IL1RAPL1: variants seen among roughly 807,000 people sequenced by gnomAD.
IL1RAPL1 encodes interleukin-1 receptor accessory protein-like 1.
IL1RAPL1 carries 3 observed loss-of-function variants against 48.4 expected under a neutral mutation model. That is an observed-to-expected ratio of 0.06 (90% confidence interval 0.03 to 0.16). IL1RAPL1 has a LOEUF of 0.16. Ranked by LOEUF, IL1RAPL1 falls within the 10% of genes least tolerant of loss-of-function variation. The pLI is 1.00. For missense variants in IL1RAPL1, 349 were observed against 530.6 expected (o/e 0.66, Z 3.36); for synonymous variants, 185 against 187.7 (o/e 0.99, Z 0.12).
chrX:29,024,504 G>A (rs1269732672), intron 2 of IL1RAPL1, among the ~76,000 whole-genome samples: 1 of 111,643 alleles, frequency 9.0e-6, no homozygotes, highest in Non-Finnish European at 1.9e-5. Context: ...CTGTGCCTCA[G>A]TTTAATTACC....
At chrX:28,781,820 C>T (rs894457429) in intron 1 of IL1RAPL1, among the ~76,000 whole-genome samples, 2 of 111,094 alleles carry the variant, frequency 1.8e-5, no homozygotes, top group African/African-American at 6.5e-5. Flanking sequence ...AAATTGCTTT[C>T]CAGTAAAACT....
chrX:29,882,722 T>G (rs1228206779), intron 6 of IL1RAPL1, among the ~76,000 whole-genome samples: 1 of 112,149 alleles, frequency 8.9e-6, no homozygotes, highest in African/African-American at 3.2e-5. Context: ...TGGTCTATAT[T>G]AATGCTTAAC....
At chrX:29,083,763 A>G (rs957783911) in intron 2 of IL1RAPL1, among the ~76,000 whole-genome samples, 1 of 112,169 alleles carries the variant, frequency 8.9e-6, no homozygotes, top group African/African-American at 3.2e-5. Context: ...TAAAAACCCC[A>G]ACCTTTGTTA....
At chrX:28,675,073 A>T (rs1264572589) in intron 1 of IL1RAPL1, among the ~76,000 whole-genome samples, 2 of 112,126 alleles carry the variant, frequency 1.8e-5, no homozygotes, top group East Asian at 5.6e-4. Flanking sequence ...TTATTTGAAG[A>T]TGGACATATT....
At chrX:29,877,471 T>A (rs1203906453) in intron 6 of IL1RAPL1, among the ~76,000 whole-genome samples, 1 of 111,940 alleles carries the variant, frequency 8.9e-6, no homozygotes, top group Non-Finnish European at 1.9e-5. Context: ...ATAAATACAA[T>A]ATACAAATAA....
chrX:28,721,862 C>T (rs1252050456), intron 1 of IL1RAPL1, among the ~76,000 whole-genome samples: 2 of 111,290 alleles, frequency 1.8e-5, no homozygotes, highest in South Asian at 3.8e-4. Flanking sequence ...ATCCTTTCCC[C>T]ATTTCTTGTT....
chrX:29,442,365 G>C (rs1347755646), intron 5 of IL1RAPL1, among the ~76,000 whole-genome samples: 1 of 109,726 alleles, frequency 9.1e-6, no homozygotes, highest in South Asian at 4.0e-4. Context: ...GAGTGGGAGG[G>C]GGGTGAGGGA....
chrX:28,839,355 G>A (rs1921306537), intron 2 of IL1RAPL1, among the ~76,000 whole-genome samples: 1 of 109,911 alleles, frequency 9.1e-6, no homozygotes, highest in Admixed American at 9.8e-5. Context: ...TATTACCTAT[G>A]TTTTTTCTTA....
At chrX:28,976,580 A>G (rs780241072) in intron 2 of IL1RAPL1, among the ~76,000 whole-genome samples, 77 of 111,761 alleles carry the variant, frequency 6.9e-4, no homozygotes, top group African/African-American at 2.4e-3. Context: ...TGAAGTTTCC[A>G]AATAGGCAGT....
intron 6 of IL1RAPL1, among the ~76,000 whole-genome samples, chrX:29,882,744 C>T (rs952198617): frequency 2.7e-5 from 3 of 112,120 alleles, no homozygotes; most frequent in Non-Finnish European, 5.6e-5. Context: ...CAGTTCTAAA[C>T]ATTAATTTTA....
intron 2 of IL1RAPL1, among the ~76,000 whole-genome samples, chrX:29,178,656 A>C (rs762042657): frequency 8.9e-5 from 10 of 111,882 alleles, no homozygotes; most frequent in Non-Finnish European, 1.7e-4. Context: ...TGTTTCAGTC[A>C]TGAAGTCCTT....
chrX:28,915,090 A>G (rs1923454545), intron 2 of IL1RAPL1, among the ~76,000 whole-genome samples: 1 of 111,661 alleles, frequency 9.0e-6, no homozygotes, highest in African/African-American at 3.3e-5. Context: ...GGCATTAGTT[A>G]GATTCTCATA....
chrX:28,810,273 A>C (rs1936778828), intron 2 of IL1RAPL1, among the ~76,000 whole-genome samples: 1 of 110,462 alleles, frequency 9.1e-6, no homozygotes, highest in Non-Finnish European at 1.9e-5. Context: ...GTAGATATAA[A>C]AAGTAGAGGT....
chrX:29,932,632 C>T (rs1440072512), intron 8 of IL1RAPL1, among the ~76,000 whole-genome samples: 1 of 111,435 alleles, frequency 9.0e-6, no homozygotes, highest in African/African-American at 3.3e-5. Context: ...TAAAATACTC[C>T]TACAGAAACA....
intron 5 of IL1RAPL1, among the ~76,000 whole-genome samples, chrX:29,401,355 A>C (rs1366109796): frequency 9.0e-6 from 1 of 111,470 alleles, no homozygotes; most frequent in Non-Finnish European, 1.9e-5. Flanking sequence ...CATGCCCTAG[A>C]ATTAAGAACA....
chrX:28,907,463 C>G (rs1923247556), intron 2 of IL1RAPL1, among the ~76,000 whole-genome samples: 1 of 111,769 alleles, frequency 8.9e-6, no homozygotes, highest in Non-Finnish European at 1.9e-5. Context: ...CCATGTTGAC[C>G]AGGGCTGTCT....
At chrX:29,626,153 T>A (rs1019316126) in intron 5 of IL1RAPL1, among the ~76,000 whole-genome samples, 3 of 112,363 alleles carry the variant, frequency 2.7e-5, no homozygotes, top group African/African-American at 9.7e-5. Context: ...ATATTTTTAT[T>A]TCCATTGCGT....
At chrX:29,268,349 T>C (rs1931988801) in intron 2 of IL1RAPL1, among the ~76,000 whole-genome samples, 1 of 112,027 alleles carries the variant, frequency 8.9e-6, no homozygotes, top group Admixed American at 9.5e-5. Flanking sequence ...GGCGCAGTAA[T>C]GGAAATAAAG....
intron 1 of IL1RAPL1, among the ~76,000 whole-genome samples, chrX:28,670,214 C>G (rs189237008): frequency 9.0e-6 from 1 of 111,639 alleles, no homozygotes; most frequent in Admixed American, 9.6e-5. Context: ...TTTATGCATC[C>G]CAGAACTTTG....
Sources: allele counts gnomAD v4.1 joint callset (sites outside exome capture counted in the v4.1 genomes callset), GRCh38; gene constraint gnomAD v4.1.1; transcripts MANE v1.5; gene names NCBI Gene and HGNC (gene_info 2026-07-23, HGNC 2026-07-21).